The following ADAMTSL1 variants were observed in gnomAD, a reference collection of about 807,000 sequenced individuals.
ADAMTSL1 encodes the protein ADAMTS-like protein 1.
In ADAMTSL1, 126 loss-of-function variants were observed where a neutral mutation model predicts 201.8. That is an observed-to-expected ratio of 0.62 (90% CI 0.54 to 0.72). The LOEUF is 0.72. Among genes scored for constraint, ADAMTSL1 ranks in the 30% least tolerant of loss-of-function variants. The pLI is 0.00. For synonymous variants in ADAMTSL1, 1,121 were observed against 903.4 expected (o/e 1.24, Z -4.32); for missense variants, 2,679 against 2,277.8 (o/e 1.18, Z -3.59).
chr9:18,417,972 T>G (rs1324188197), intron 2 of ADAMTSL1, among the ~76,000 whole-genome samples: 1 of 151,970 alleles, frequency 6.6e-6, no homozygotes. Context: ...CAAATCAAAC[T>G]CAGCAATACA....
intron 1 of ADAMTSL1, among the ~76,000 whole-genome samples, chr9:18,149,211 G>A (rs1407910848): frequency 6.6e-6 from 1 of 152,052 alleles, no homozygotes; most frequent in Non-Finnish European, 1.5e-5. Context: ...CAGACTTACC[G>A]AGATAATGTT....
At chr9:18,239,608 C>A (rs772088642) in intron 2 of ADAMTSL1, among the ~76,000 whole-genome samples, 1 of 151,932 alleles carries the variant, frequency 6.6e-6, no homozygotes, top group Non-Finnish European at 1.5e-5. Context: ...ATTAGCTGGG[C>A]GTGGTGGTGC....
At chr9:18,129,828 C>A (rs1825875923) in intron 1 of ADAMTSL1, among the ~76,000 whole-genome samples, 1 of 152,162 alleles carries the variant, frequency 6.6e-6, no homozygotes, top group African/African-American at 2.4e-5. Flanking sequence ...GCACGGCCAA[C>A]AAGGAAGTAG....
At chr9:18,516,068 C>T (rs1460412933) in intron 2 of ADAMTSL1, among the ~76,000 whole-genome samples, 1 of 145,468 alleles carries the variant, frequency 6.9e-6, no homozygotes, top group Non-Finnish European at 1.5e-5. Context: ...CCCTCCAGCT[C>T]CTCCCTCACC....
chr9:18,165,119 G>C (rs1330314569), intron 2 of ADAMTSL1, among the ~76,000 whole-genome samples: 2 of 151,164 alleles, frequency 1.3e-5, no homozygotes, highest in Non-Finnish European at 3.0e-5. Context: ...AGCTTTCTTT[G>C]TGATCTACTG....
In ADAMTSL1 at chr9:18,803,167, G is replaced by T. The variant is rs529785283; in HGVS notation, c.3805+7643G>T. The stretch of plus-strand genomic sequence containing the variant: ...TACAGTCTCATCAAGATGTCAACAG[G>T]CTTTATCCCTTTCCGAAGGCTCTAA... On this transcript the variant is annotated intron_variant, in intron 20 of 28. Coordinates refer to ENST00000380548, the MANE Select transcript of ADAMTSL1 (RefSeq NM_001040272.6). 4.6e-5 allele frequency among the ~76,000 whole-genome samples: 7 copies of T among 152,308 alleles called. No homozygotes were observed. The East Asian group carries it at 5.8e-4, about 13-fold the overall frequency.
intron 2 of ADAMTSL1, among the ~76,000 whole-genome samples, chr9:18,268,100 T>C (rs1832212341): frequency 6.6e-6 from 1 of 152,310 alleles, no homozygotes; most frequent in East Asian, 1.9e-4. Flanking sequence ...CTGCATTAAA[T>C]TGTCTTTTAG....
chr9:18,105,873 C>T (rs765207822), intron 1 of ADAMTSL1, among the ~76,000 whole-genome samples: 1 of 152,212 alleles, frequency 6.6e-6, no homozygotes, highest in African/African-American at 2.4e-5. Flanking sequence ...AGGCCCACTG[C>T]ACCATGTCAG....
chr9:18,134,818 C>G (rs935101135), intron 1 of ADAMTSL1, among the ~76,000 whole-genome samples: 1 of 152,286 alleles, frequency 6.6e-6, no homozygotes, highest in Admixed American at 6.5e-5. Flanking sequence ...GTTGTGGAGA[C>G]AGACTCTTCC....
intron 2 of ADAMTSL1, among the ~76,000 whole-genome samples, chr9:18,326,636 A>G (rs1016265308): frequency 2.0e-5 from 3 of 152,232 alleles, no homozygotes; most frequent in Admixed American, 6.5e-5. Flanking sequence ...TTAGAACCTT[A>G]GCACATTCCT....
chr9:18,369,612 C>A (rs989031962), intron 2 of ADAMTSL1, among the ~76,000 whole-genome samples: 1 of 152,196 alleles, frequency 6.6e-6, no homozygotes, highest in East Asian at 1.9e-4. Flanking sequence ...TTAGACCCAT[C>A]TATCCTACTA....
At chr9:18,078,003 G>T (rs1823309741) in intron 1 of ADAMTSL1, among the ~76,000 whole-genome samples, 1 of 152,146 alleles carries the variant, frequency 6.6e-6, no homozygotes, top group Admixed American at 6.5e-5. Context: ...ACAAGGACAG[G>T]GTGGGAAGGG....
At chr9:18,888,185 C>T in intron 24 of ADAMTSL1, 142 bp downstream of exon 24, 2 of 832,296 alleles carry the variant, frequency 2.4e-6, no homozygotes, top group Non-Finnish European at 3.7e-6. Context: ...TGTTTCCATA[C>T]AGTGAGACCC....
chr9:18,894,710 C>T (rs908558446), intron 26 of ADAMTSL1, among the ~76,000 whole-genome samples: 1 of 152,014 alleles, frequency 6.6e-6, no homozygotes, highest in African/African-American at 2.4e-5. Context: ...TAAGTAGTTG[C>T]ACATATAGGT....
At chr9:18,758,421 C>A (rs967453788) in intron 16 of ADAMTSL1, among the ~76,000 whole-genome samples, 1 of 152,224 alleles carries the variant, frequency 6.6e-6, no homozygotes, top group African/African-American at 2.4e-5. Flanking sequence ...CAAACTTACT[C>A]TCTTATAGTT....
At chr9:18,863,227 CA>C (rs1386595565) in intron 23 of ADAMTSL1, among the ~76,000 whole-genome samples, 1 of 152,188 alleles carries the variant, frequency 6.6e-6, no homozygotes, top group African/African-American at 2.4e-5. Flanking sequence ...GTAGTAACCA[CA>C]CAGTAACCCA....
intron 2 of ADAMTSL1, among the ~76,000 whole-genome samples, chr9:18,229,429 C>T (rs1830559434): frequency 6.6e-6 from 1 of 152,004 alleles, no homozygotes; most frequent in African/African-American, 2.4e-5. Flanking sequence ...GCCTGCCCCA[C>T]CCTTCCACCC....
chr9:18,804,686 T>G (rs1308744276), intron 20 of ADAMTSL1, among the ~76,000 whole-genome samples: 1 of 152,190 alleles, frequency 6.6e-6, no homozygotes, highest in African/African-American at 2.4e-5. Flanking sequence ...CTCATGCTGA[T>G]TTTAGTCCCT....
chr9:18,077,587 G>T (rs78431166), intron 1 of ADAMTSL1, among the ~76,000 whole-genome samples: 2,903 of 152,282 alleles, frequency 0.019, 90 homozygotes, highest in African/African-American at 0.066. Flanking sequence ...TCAAAGAAAG[G>T]AGTGGTGGTC....
Sources: allele counts gnomAD v4.1 joint callset (sites outside exome capture counted in the v4.1 genomes callset), GRCh38; gene constraint gnomAD v4.1.1; transcripts MANE v1.5; gene names NCBI Gene and HGNC (gene_info 2026-07-23, HGNC 2026-07-21).